GRM3: variants seen among roughly 807,000 people sequenced by gnomAD.
The protein encoded by GRM3 is metabotropic glutamate receptor 3.
In GRM3, 26 loss-of-function variants were observed where a neutral mutation model predicts 70.5. That is an observed-to-expected ratio of 0.37 (90% CI 0.27 to 0.51). The LOEUF (loss-of-function observed/expected upper bound fraction) is 0.51. Ranked by LOEUF, GRM3 falls within the 20% of genes least tolerant of loss-of-function variation. The pLI is 0.93. For synonymous variants in GRM3, 443 were observed against 434.9 expected (o/e 1.02, Z -0.23); for missense variants, 859 against 1,123.8 (o/e 0.76, Z 3.37).
intron 3 of GRM3, among the ~76,000 whole-genome samples, chr7:86,803,786 CAT>C (rs1328293969): frequency 3.3e-5 from 5 of 152,050 alleles, no homozygotes; most frequent in African/African-American, 1.2e-4. Context: ...GTTTTTCCCT[CAT>C]GTTTGATGGC....
intron 1 of GRM3, among the ~76,000 whole-genome samples, chr7:86,669,818 A>G (rs1357909026): frequency 1.3e-5 from 2 of 152,188 alleles, no homozygotes; most frequent in Non-Finnish European, 2.9e-5. Context: ...TAAGAACAGA[A>G]TACACTTAGT....
intron 2 of GRM3, among the ~76,000 whole-genome samples, chr7:86,766,387 A>C (rs886869544): frequency 1.3e-5 from 2 of 152,138 alleles, no homozygotes; most frequent in African/African-American, 4.8e-5. Flanking sequence ...CCATTAAAAA[A>C]AAAAAGGAAA....
intron 1 of GRM3, among the ~76,000 whole-genome samples, chr7:86,714,378 C>A (rs1795269415): frequency 6.6e-6 from 1 of 151,736 alleles, no homozygotes; most frequent in East Asian, 1.9e-4. Context: ...ATAATAATAG[C>A]AACAACAATT....
intron 1 of GRM3, among the ~76,000 whole-genome samples, chr7:86,676,246 A>G (rs879658993): frequency 1.4e-4 from 22 of 152,144 alleles, no homozygotes; most frequent in Non-Finnish European, 2.5e-4. Context: ...TACATCTCAC[A>G]AGAACTAGAA....
intron 1 of GRM3, among the ~76,000 whole-genome samples, chr7:86,678,615 TTTCAA>T (rs1409568782): frequency 6.6e-6 from 1 of 152,062 alleles, no homozygotes; most frequent in Admixed American, 6.6e-5. Context: ...AATTATGATA[TTTCAA>T]ACATGATATC....
In GRM3 at chr7:86,765,198, G is replaced by C; in HGVS notation, c.53G>C (p.Gly18Ala). 1.2e-6 allele frequency: 2 copies of C among 1,602,926 alleles called. No homozygotes were observed. Among genetic ancestry groups the C allele is most frequent in the Non-Finnish European group, 1.7e-6 (2 of 1,176,774 alleles). The stretch of plus-strand genomic sequence containing the variant: ...CTTACCTTAGCTTTGTTTTCAAAGG[G>C]ATTTTTACTCTCTTTAGGGGACCAT... ...QVLTLALFSK[G>A]FLLSLGDHNF... The change falls in exon 2 of 6, where the codon GGA (glycine) becomes GCA (alanine). Residue 18 changes from glycine (G) to alanine (A), a missense_variant. Transcript: ENST00000361669.
At chr7:86,782,503 G>T (rs1797097832) in intron 2 of GRM3, among the ~76,000 whole-genome samples, 2 of 152,132 alleles carry the variant, frequency 1.3e-5, no homozygotes, top group Non-Finnish European at 2.9e-5. Context: ...TGATGATTCT[G>T]TATCTTCCTG....
chr7:86,655,853 G>A (rs2695807), intron 1 of GRM3, among the ~76,000 whole-genome samples: 1 of 134,658 alleles, frequency 7.4e-6, no homozygotes, highest in African/African-American at 3.2e-5. Context: ...TGTGTGTGTG[G>A]GTGGGTGGGT....
intron 5 of GRM3, among the ~76,000 whole-genome samples, chr7:86,855,981 A>C (rs1798838358): frequency 6.6e-6 from 1 of 152,330 alleles, no homozygotes; most frequent in South Asian, 2.1e-4. Flanking sequence ...GGTAATACAA[A>C]CTGAATTGAT....
intron 1 of GRM3, among the ~76,000 whole-genome samples, chr7:86,652,681 G>A (rs557314484): frequency 6.6e-6 from 1 of 152,288 alleles, no homozygotes; most frequent in African/African-American, 2.4e-5. Context: ...TGGAACATTT[G>A]AAGTAGGAAA....
intron 2 of GRM3, among the ~76,000 whole-genome samples, chr7:86,785,003 T>C (rs1331897608): frequency 6.6e-6 from 1 of 152,224 alleles, no homozygotes; most frequent in African/African-American, 2.4e-5. Context: ...CAGATGTCAG[T>C]TGTTTTATGT....
At chr7:86,677,370 C>G (rs903603675) in intron 1 of GRM3, among the ~76,000 whole-genome samples, 2 of 152,000 alleles carry the variant, frequency 1.3e-5, no homozygotes, top group Non-Finnish European at 2.9e-5. Flanking sequence ...CAGAACCACA[C>G]TACTCTCCCT....
Position 86,801,064 on chromosome 7 carries a change from C to CTTTT in GRM3, c.1324+13969_1324+13972dup, listed in dbSNP as rs67046105. Among the ~76,000 whole-genome samples, 546 of 86,808 alleles carry CTTTT rather than the reference C, an allele frequency of 6.3e-3. 4 individuals are homozygous for CTTTT. Among genetic ancestry groups the CTTTT allele is most frequent in the African/African-American group, 8.5e-3 (171 of 20,012 alleles). The allele number at this position is 86,808 out of a possible 152,430, so 56.9% of individuals were successfully genotyped here. On this transcript the variant is annotated intron_variant, in intron 3 of 5. Coordinates refer to ENST00000361669, the MANE Select transcript of GRM3 (RefSeq NM_000840.3). ...TATGTTTTACCACGGCAAACTTCTT[C>CTTTT]TTTTTTTTTTTTTTTTTTTTTTTTG...
At chr7:86,864,230 T>G in intron 5 of GRM3, 52 bp from the exon 6 acceptor site, 1 of 896,294 alleles carries the variant, frequency 1.1e-6, no homozygotes, top group Non-Finnish European at 1.9e-6. Flanking sequence ...TGCTATTACC[T>G]TTGTGTCCCA....
intron 1 of GRM3, among the ~76,000 whole-genome samples, chr7:86,674,271 TC>T (rs1166262711): frequency 1.3e-5 from 2 of 152,028 alleles, no homozygotes; most frequent in Non-Finnish European, 2.9e-5. Context: ...TTGTTAGAAG[TC>T]CTCCATTCCT....
intron 1 of GRM3, among the ~76,000 whole-genome samples, chr7:86,744,374 T>C (rs1584209148): frequency 6.6e-6 from 1 of 151,690 alleles, no homozygotes; most frequent in African/African-American, 2.4e-5. Flanking sequence ...CATATTACTA[T>C]CTTTCCCAAA....
At position 86,778,167 on chromosome 7, in the gene GRM3, T is replaced by A. The variant is rs76312978; in HGVS notation, c.469-8094T>A. Among the ~76,000 whole-genome samples the A allele has an allele frequency of 1.7e-3, 264 of 152,314 alleles. 1 individual carries two copies. The East Asian group carries it at 0.023, about 13-fold the overall frequency. On this transcript the variant is annotated intron_variant, in intron 2 of 5. Transcript: ENST00000361669. ...ATCAAGTCTCCTGATTACAGGGCAGTAGCAATGGTTTATTTTTTAAATGTA... is the reference window on the plus strand; with the variant it reads ...ATCAAGTCTCCTGATTACAGGGCAGAAGCAATGGTTTATTTTTTAAATGTA...
At chr7:86,690,904 G>T (rs936477964) in intron 1 of GRM3, among the ~76,000 whole-genome samples, 9 of 152,082 alleles carry the variant, frequency 5.9e-5, no homozygotes, top group Non-Finnish European at 8.8e-5. Flanking sequence ...ATAGATATTT[G>T]TTATGTTTAA....
At chr7:86,855,570 A>G (rs1210363376) in intron 5 of GRM3, among the ~76,000 whole-genome samples, 3 of 152,094 alleles carry the variant, frequency 2.0e-5, no homozygotes, top group Non-Finnish European at 4.4e-5. Flanking sequence ...CAAGACAGTC[A>G]CTTGTCTAGG....
Sources: gnomAD v4.1 joint callset for allele counts (sites outside exome capture counted in the v4.1 genomes callset) on GRCh38, gnomAD v4.1.1 for gene constraint, MANE v1.5 for transcripts, NCBI Gene and HGNC (gene_info 2026-07-23, HGNC 2026-07-21) for gene names.